The following DSN1 variants were observed in gnomAD, a reference collection of about 807,000 sequenced individuals.
The protein encoded by DSN1 is DSN1 component of MIS12 kinetochore complex.
In DSN1, 31 loss-of-function variants were observed where a neutral mutation model predicts 45.7. The observed-to-expected ratio is 0.68, with a 90% CI of 0.51 to 0.92. DSN1 has a LOEUF of 0.92. DSN1 is among the 40% of genes least tolerant of loss of function. DSN1 has a pLI of 0.00. For missense variants in DSN1, 394 were observed against 414.2 expected, an observed-to-expected ratio of 0.95 and a Z score of 0.42; for synonymous variants, 134 against 142.3, an observed-to-expected ratio of 0.94 and a Z score of 0.41.
In DSN1 at chr20:36,769,902, T is replaced by TACACACACACACAC. The variant is rs66970744; in HGVS notation, c.355+957_355+970dup. 1.1e-3 allele frequency among the ~76,000 whole-genome samples: 131 copies of TACACACACACACAC among 117,328 alleles called. 1 individual carries two copies. Among genetic ancestry groups the TACACACACACACAC allele is most frequent in the African/African-American group, 4.7e-3 (127 of 26,972 alleles). The allele number at this position is 117,328 out of a possible 152,430, so 77.0% of individuals were successfully genotyped here. A position where few individuals can be genotyped will look rare whatever the true frequency, so the allele number is the denominator to read the frequency against. ...CCTAAAAACTGTTTTTCACTGTAGA[T>TACACACACACACAC]ACACACACACACACACACACACACA... On this transcript the variant is annotated intron_variant, in intron 3 of 10. Coordinates refer to ENST00000373750, the MANE Select transcript of DSN1 (RefSeq NM_001145315.2).
At chr20:36,759,126 G>A (rs1022644868) in intron 6 of DSN1, among the ~76,000 whole-genome samples, 6 of 152,082 alleles carry the variant, frequency 3.9e-5, no homozygotes, top group African/African-American at 1.4e-4. Flanking sequence ...GGGACTACAA[G>A]TGCCCATGAC....
intron 6 of DSN1, among the ~76,000 whole-genome samples, chr20:36,760,149 CAGG>C (rs1267558820): frequency 1.3e-5 from 2 of 151,936 alleles, no homozygotes; most frequent in African/African-American, 2.4e-5. Flanking sequence ...GAGGCTGAGG[CAGG>C]AGAATTGCTT....
At chr20:36,759,265 G>C (rs1158498163) in intron 6 of DSN1, among the ~76,000 whole-genome samples, 1 of 152,092 alleles carries the variant, frequency 6.6e-6, no homozygotes. Flanking sequence ...ACAGGCGTGA[G>C]CCACCACACC....
At chr20:36,762,346 G>C in intron 6 of DSN1, 115 bp downstream of exon 6, 1 of 753,814 alleles carries the variant, frequency 1.3e-6, no homozygotes, top group Non-Finnish European at 2.0e-6. Context: ...TCCTGACCTC[G>C]TAATCCGCCC....
chr20:36,753,921 C>A (rs2148254655), intron 10 of DSN1, among the ~76,000 whole-genome samples: 1 of 151,044 alleles, frequency 6.6e-6, no homozygotes, highest in East Asian at 2.0e-4. Context: ...CAGAAGAATC[C>A]CTTGAACCCG....
chr20:36,766,367 C>T (rs1987338362), intron 5 of DSN1, among the ~76,000 whole-genome samples: 1 of 151,124 alleles, frequency 6.6e-6, no homozygotes, highest in Non-Finnish European at 1.5e-5. Flanking sequence ...TGTATTCTTG[C>T]AATTTAAAAA....
At chr20:36,755,609 G>A in intron 9 of DSN1, 73 bp downstream of exon 9, 1 of 1,532,700 alleles carries the variant, frequency 6.5e-7, no homozygotes, top group Non-Finnish European at 8.8e-7. Context: ...CATTTCTCCA[G>A]GTCTTTTAAT....
intron 8 of DSN1, 73 bp from the exon 9 acceptor site, chr20:36,755,902 A>G (rs1986646200): frequency 1.3e-6 from 2 of 1,523,930 alleles, no homozygotes; most frequent in Non-Finnish European, 1.8e-6. Context: ...AGATTATCCT[A>G]TAAAGCTGAA....
At chr20:36,764,477 A>G (rs982620441) in intron 5 of DSN1, among the ~76,000 whole-genome samples, 2 of 152,210 alleles carry the variant, frequency 1.3e-5, no homozygotes, top group African/African-American at 4.8e-5. Context: ...CTGACCCTGG[A>G]TAAGTGTATA....
At chr20:36,767,931 A>G (rs531801603) in intron 4 of DSN1, 38 bp downstream of exon 4, 12 of 1,601,298 alleles carry the variant, frequency 7.5e-6, no homozygotes, top group Middle Eastern at 1.7e-4. Context: ...ATAGCAGTTA[A>G]CAAACACAAA....
At chr20:36,765,158 G>A (rs1389798087) in intron 5 of DSN1, among the ~76,000 whole-genome samples, 1 of 144,626 alleles carries the variant, frequency 6.9e-6, no homozygotes, top group Non-Finnish European at 1.5e-5. Context: ...AAGCAATCTG[G>A]TAATTCCCAT....
chr20:36,771,331 G>T, intron 2 of DSN1, 94 bp downstream of exon 2: 1 of 1,501,824 alleles, frequency 6.7e-7, no homozygotes, highest in Non-Finnish European at 9.1e-7. Flanking sequence ...ATGAGTATGT[G>T]ATTCCAAATC....
Position 36,773,668 on chromosome 20 carries a change from C to A in DSN1, c.-22G>T. 3 of 985,718 alleles carry A rather than the reference C, an allele frequency of 3.0e-6. No individual in the cohort carries two copies. The highest frequency in any genetic ancestry group is 3.6e-6 in the Non-Finnish European group (3 of 830,126). 61.1% of individuals were successfully genotyped at this position (985,718 alleles called of 1,614,324 possible). On this transcript the variant is annotated 5_prime_UTR_variant, in exon 1 of 11. Coordinates refer to ENST00000373750, the MANE Select transcript of DSN1 (RefSeq NM_001145315.2). ...CAGTCCGGAACCTCCGTACCTGAAA[C>A]ACAAGGCCACGGGTCGCTCTCCACA... is the stretch of plus-strand genomic sequence containing the variant.
Position 36,758,560 on chromosome 20 carries a change from T to G in DSN1, c.648A>C (p.Thr216=). 1 of 1,603,698 alleles carries G rather than the reference T, an allele frequency of 6.2e-7. No individual in the cohort carries two copies. Among genetic ancestry groups the G allele is most frequent in the Non-Finnish European group, 8.5e-7 (1 of 1,177,078 alleles). ...TTTTCTAACAAAGGTTAACTTACTT[T>G]GTTATGTATTCCTTCATCTCAGCCA... ...ASVAEMKEYI[T]KFSLERQTWD... is the part of the protein sequence containing the mutation. The change falls in exon 7 of 11, where the codon ACA becomes ACC. Residue 216 remains threonine, a splice_region_variant and synonymous_variant. Transcript: ENST00000373750.
At chr20:36,768,921 A>G (rs967361688) in intron 3 of DSN1, among the ~76,000 whole-genome samples, 7 of 152,196 alleles carry the variant, frequency 4.6e-5, no homozygotes, top group African/African-American at 1.7e-4. Flanking sequence ...ATGACCTCAT[A>G]ATAGCATTAA....
intron 5 of DSN1, among the ~76,000 whole-genome samples, chr20:36,765,591 A>G (rs1987276794): frequency 1.3e-5 from 2 of 151,922 alleles, no homozygotes; most frequent in Non-Finnish European, 2.9e-5. Flanking sequence ...CAGGCGGATC[A>G]TGAGGTCAGG....
chr20:36,763,604 C>T (rs1987135812), intron 5 of DSN1, among the ~76,000 whole-genome samples: 1 of 150,466 alleles, frequency 6.6e-6, no homozygotes, highest in African/African-American at 2.4e-5. Context: ...AAAAAGAAAA[C>T]CAGGCTGGGC....
intron 2 of DSN1, 96 bp from the exon 3 acceptor site, chr20:36,771,289 G>A (rs1021295606): frequency 5.0e-5 from 74 of 1,478,608 alleles, no homozygotes; most frequent in African/African-American, 9.9e-5. Flanking sequence ...CCCCTAGATC[G>A]TGGAAACATA....
chr20:36,764,065 T>A (rs1269980555), intron 5 of DSN1, among the ~76,000 whole-genome samples: 1 of 151,640 alleles, frequency 6.6e-6, no homozygotes, highest in African/African-American at 2.4e-5. Flanking sequence ...AAATTTTTTT[T>A]AGAAAGTTAG....
Sources: gnomAD v4.1 joint callset for allele counts (sites outside exome capture counted in the v4.1 genomes callset) on GRCh38, gnomAD v4.1.1 for gene constraint, MANE v1.5 for transcripts, NCBI Gene and HGNC (gene_info 2026-07-23, HGNC 2026-07-21) for gene names.